Variants in MAGI2 observed in about 807,000 individuals in gnomAD.
MAGI2 encodes the protein membrane-associated guanylate kinase, WW and PDZ domain-containing protein 2.
A neutral mutation model predicts 133.3 loss-of-function variants in MAGI2; 35 were observed. The observed-to-expected ratio is 0.26, with a 90% CI of 0.20 to 0.35. The LOEUF (loss-of-function observed/expected upper bound fraction) is 0.35. Among genes scored for constraint, MAGI2 ranks in the 10% least tolerant of loss-of-function variants. MAGI2 has a pLI of 1.00. For missense variants in MAGI2, 1,636 were observed against 1,863.4 expected, an observed-to-expected ratio of 0.88 and a Z score of 2.25; for synonymous variants, 729 against 710.6, an observed-to-expected ratio of 1.03 and a Z score of -0.41.
chr7:79,309,475 T>C (rs1228854669), intron 1 of MAGI2, among the ~76,000 whole-genome samples: 1 of 151,718 alleles, frequency 6.6e-6, no homozygotes, highest in African/African-American at 2.4e-5. Context: ...AATTTTCTGC[T>C]ATTGAATATT....
chr7:78,219,771 C>G (rs190064087), intron 10 of MAGI2, among the ~76,000 whole-genome samples: 2 of 152,220 alleles, frequency 1.3e-5, no homozygotes, highest in Admixed American at 6.5e-5. Context: ...CTTTCACATT[C>G]TGTCATTCCT....
At chr7:78,262,682 A>G (rs1257977219) in intron 9 of MAGI2, among the ~76,000 whole-genome samples, 1 of 152,180 alleles carries the variant, frequency 6.6e-6, no homozygotes, top group Non-Finnish European at 1.5e-5. Context: ...AAAGATTTAC[A>G]CATATTCAAC....
chr7:78,836,465 T>C (rs1584090155), intron 2 of MAGI2, among the ~76,000 whole-genome samples: 1 of 152,168 alleles, frequency 6.6e-6, no homozygotes, highest in East Asian at 1.9e-4. Flanking sequence ...TTATTTTTAA[T>C]TTTTACCTTG....
chr7:78,230,710 G>T (rs769935301), intron 10 of MAGI2, among the ~76,000 whole-genome samples: 2 of 152,148 alleles, frequency 1.3e-5, no homozygotes, highest in Non-Finnish European at 2.9e-5. Context: ...CAATTGGAAG[G>T]CCCCTATTTC....
At chr7:78,852,819 G>A (rs1406694683) in intron 2 of MAGI2, among the ~76,000 whole-genome samples, 2 of 152,042 alleles carry the variant, frequency 1.3e-5, no homozygotes, top group African/African-American at 4.8e-5. Context: ...AGCAGTGGAG[G>A]GTGGCAACAT....
At position 78,497,766 on chromosome 7, in the gene MAGI2, T is replaced by TCTGTCTGTCTGTCTATCTATCTA. The variant is rs1385517709; in HGVS notation, c.965+3810_965+3811insTAGATAGATAGACAGACAGACAG. ...TATCTATCTATCTATCTATCTATCT[T>TCTGTCTGTCTGTCTATCTATCTA]TCTATCTTATACACAGAACCAAAGA... is the stretch of plus-strand genomic sequence containing the variant. On this transcript the variant is annotated intron_variant, in intron 5 of 21. Coordinates refer to ENST00000354212, the MANE Select transcript of MAGI2 (RefSeq NM_012301.4). Among the ~76,000 whole-genome samples the TCTGTCTGTCTGTCTATCTATCTA allele has an allele frequency of 4.8e-3, 649 of 135,416 alleles. 11 individuals are homozygous for TCTGTCTGTCTGTCTATCTATCTA. Among genetic ancestry groups the TCTGTCTGTCTGTCTATCTATCTA allele is most frequent in the African/African-American group, 0.015 (547 of 37,532 alleles). The allele number at this position is 135,416 out of a possible 152,430, so 88.8% of individuals were successfully genotyped here. A position where few individuals can be genotyped will look rare whatever the true frequency, so the allele number is the denominator to read the frequency against.
chr7:79,358,775 A>C (rs761444523), intron 1 of MAGI2, among the ~76,000 whole-genome samples: 10 of 152,166 alleles, frequency 6.6e-5, no homozygotes, highest in Admixed American at 1.3e-4. Flanking sequence ...AGGAGGAGAA[A>C]CTTCAGTGGC....
intron 1 of MAGI2, among the ~76,000 whole-genome samples, chr7:79,108,725 G>A (rs1324067483): frequency 6.6e-6 from 1 of 152,162 alleles, no homozygotes; most frequent in Non-Finnish European, 1.5e-5. Context: ...AGTTTTGGGT[G>A]TCCCCTCCAA....
intron 2 of MAGI2, among the ~76,000 whole-genome samples, chr7:78,765,996 G>T (rs144656211): frequency 2.8e-4 from 43 of 152,298 alleles, no homozygotes; most frequent in Non-Finnish European, 5.3e-4. Flanking sequence ...CTGAAAGAAA[G>T]GCTCTTCATA....
At chr7:78,848,124 G>A (rs1481903035) in intron 2 of MAGI2, among the ~76,000 whole-genome samples, 1 of 151,674 alleles carries the variant, frequency 6.6e-6, no homozygotes, top group East Asian at 2.0e-4. Flanking sequence ...TCTCTATTTG[G>A]CATCTCTACT....
At chr7:79,318,445 C>T (rs182743676) in intron 1 of MAGI2, among the ~76,000 whole-genome samples, 8 of 152,140 alleles carry the variant, frequency 5.3e-5, no homozygotes, top group Admixed American at 1.3e-4. Flanking sequence ...AATAAAATTC[C>T]TTTTGTGGAA....
At chr7:78,927,843 T>C (rs1023470186) in intron 2 of MAGI2, among the ~76,000 whole-genome samples, 2 of 151,950 alleles carry the variant, frequency 1.3e-5, no homozygotes, top group Non-Finnish European at 2.9e-5. Context: ...TTTTCCAATG[T>C]GTTCAAGTGA....
At chr7:79,222,181 A>G (rs1293900564) in intron 1 of MAGI2, among the ~76,000 whole-genome samples, 1 of 152,074 alleles carries the variant, frequency 6.6e-6, no homozygotes, top group East Asian at 1.9e-4. Flanking sequence ...TTAAACAGAA[A>G]GGTTCATAAT....
intron 1 of MAGI2, among the ~76,000 whole-genome samples, chr7:79,010,384 T>C (rs1193531735): frequency 2.0e-5 from 3 of 152,260 alleles, no homozygotes; most frequent in South Asian, 4.1e-4. Flanking sequence ...TGGGCAATGA[T>C]GTCCTCAAAA....
intron 12 of MAGI2, among the ~76,000 whole-genome samples, 156 bp downstream of exon 12, chr7:78,194,718 G>C (rs572437371): frequency 3.9e-5 from 6 of 152,228 alleles, no homozygotes; most frequent in African/African-American, 1.2e-4. Flanking sequence ...GAGTCAACAG[G>C]CTTTCTAAGA....
At chr7:79,335,403 C>T (rs1258951983) in intron 1 of MAGI2, among the ~76,000 whole-genome samples, 2 of 151,826 alleles carry the variant, frequency 1.3e-5, no homozygotes, top group Non-Finnish European at 2.9e-5. Context: ...AGAGAACTCT[C>T]AAGGTCAAAA....
intron 3 of MAGI2, among the ~76,000 whole-genome samples, chr7:78,542,895 C>A (rs1798530302): frequency 6.6e-6 from 1 of 151,998 alleles, no homozygotes; most frequent in Non-Finnish European, 1.5e-5. Context: ...TGGAGGGGAC[C>A]AAGAGAACAG....
At chr7:79,132,467 T>C (rs1282294186) in intron 1 of MAGI2, among the ~76,000 whole-genome samples, 2 of 152,118 alleles carry the variant, frequency 1.3e-5, no homozygotes, top group African/African-American at 2.4e-5. Flanking sequence ...GCAATAGACA[T>C]TATTTCATTT....
chr7:78,188,909 A>T (rs1378892468), intron 12 of MAGI2, among the ~76,000 whole-genome samples: 1 of 152,216 alleles, frequency 6.6e-6, no homozygotes, highest in Non-Finnish European at 1.5e-5. Context: ...CACAGGCTTC[A>T]GAGCTCTGGT....
Sources: gnomAD v4.1 joint callset for allele counts (sites outside exome capture counted in the v4.1 genomes callset) on GRCh38, gnomAD v4.1.1 for gene constraint, MANE v1.5 for transcripts, NCBI Gene and HGNC (gene_info 2026-07-23, HGNC 2026-07-21) for gene names.